The following FRMD5 variants were observed in gnomAD, a reference collection of about 807,000 sequenced individuals.
FRMD5 encodes FERM domain-containing protein 5.
Under a neutral mutation model 69.0 loss-of-function variants are expected in FRMD5, and 20 were observed. The ratio of observed to expected loss-of-function variants is 0.29; its 90% CI spans 0.20 to 0.42. FRMD5 has a LOEUF of 0.42. Among genes scored for constraint, FRMD5 ranks in the 10% least tolerant of loss-of-function variants. The pLI, the probability that FRMD5 is intolerant of heterozygous loss-of-function variation, is 1.00. For synonymous variants in FRMD5, 271 were observed against 260.1 expected (o/e 1.04, Z -0.40); for missense variants, 595 against 708.6 (o/e 0.84, Z 1.82).
chr15:44,056,496 C>G (rs1272404017), intron 1 of FRMD5, among the ~76,000 whole-genome samples: 1 of 152,200 alleles, frequency 6.6e-6, no homozygotes, highest in African/African-American at 2.4e-5. Context: ...AATTATAATT[C>G]TGAAAAGCCT....
chr15:43,933,104 A>G (rs1595532665), intron 1 of FRMD5, among the ~76,000 whole-genome samples: 2 of 152,204 alleles, frequency 1.3e-5, no homozygotes, highest in East Asian at 3.8e-4. Context: ...TGAGAGTCCC[A>G]GGAGAGGAGT....
At chr15:43,980,283 G>C (rs2090528457) in intron 1 of FRMD5, among the ~76,000 whole-genome samples, 1 of 152,134 alleles carries the variant, frequency 6.6e-6, no homozygotes, top group Non-Finnish European at 1.5e-5. Flanking sequence ...TCTAATAGGG[G>C]ACTGTCCCAC....
chr15:43,884,657 C>T (rs1239458847), intron 12 of FRMD5, 70 bp downstream of exon 12: 2 of 1,454,078 alleles, frequency 1.4e-6, no homozygotes, highest in Admixed American at 1.7e-5. Flanking sequence ...CTTCACAGTA[C>T]TCAAACTGCT....
chr15:43,981,354 T>C lies in FRMD5; in HGVS notation c.103-57045A>G, dbSNP rs374362313. Among the ~76,000 whole-genome samples, 44 of 152,294 alleles carry C rather than the reference T, an allele frequency of 2.9e-4. 1 individual carries two copies. Among genetic ancestry groups the C allele is most frequent in the African/African-American group, 1.1e-3 (44 of 41,574 alleles). The stretch of plus-strand genomic sequence containing the variant: ...AGAAAACCACAAGGAAGAGGAAATA[T>C]ATTTACTATTCATTTAGTGTAAATG... On this transcript the variant is annotated intron_variant, in intron 1 of 13. Coordinates refer to ENST00000417257, the MANE Select transcript of FRMD5 (RefSeq NM_032892.5).
chr15:44,069,531 C>G (rs1893445666), intron 1 of FRMD5, among the ~76,000 whole-genome samples: 1 of 151,816 alleles, frequency 6.6e-6, no homozygotes, highest in African/African-American at 2.4e-5. Flanking sequence ...CATTAATCTT[C>G]AGGAAATTAT....
intron 1 of FRMD5, among the ~76,000 whole-genome samples, chr15:43,997,051 C>G (rs1271205829): frequency 6.6e-6 from 1 of 152,080 alleles, no homozygotes; most frequent in Non-Finnish European, 1.5e-5. Context: ...AATATCTGCT[C>G]AGGTATACTC....
At chr15:44,038,715 AG>A (rs1892040968) in intron 1 of FRMD5, among the ~76,000 whole-genome samples, 1 of 151,878 alleles carries the variant, frequency 6.6e-6, no homozygotes, top group African/African-American at 2.4e-5. Context: ...GAGCTGAAGC[AG>A]GGTGGGGCAT....
intron 1 of FRMD5, among the ~76,000 whole-genome samples, chr15:43,976,427 C>G (rs2090463334): frequency 6.6e-6 from 1 of 152,102 alleles, no homozygotes; most frequent in South Asian, 2.1e-4. Context: ...AAAGAACCCT[C>G]AACATTCCAT....
intron 1 of FRMD5, among the ~76,000 whole-genome samples, chr15:44,067,859 T>C (rs571052957): frequency 3.9e-5 from 6 of 152,256 alleles, no homozygotes; most frequent in South Asian, 2.1e-4. Flanking sequence ...GCACCCAGAA[T>C]ATACAAAGAA....
chr15:43,883,926 C>A, intron 12 of FRMD5, 117 bp from the exon 13 acceptor site: 1 of 742,260 alleles, frequency 1.3e-6, no homozygotes, highest in Non-Finnish European at 2.4e-6. Context: ...TGGTCTCTCT[C>A]TTTTTTAAAA....
chr15:44,001,684 G>A (rs938439597), intron 1 of FRMD5, among the ~76,000 whole-genome samples: 1 of 150,986 alleles, frequency 6.6e-6, no homozygotes, highest in Non-Finnish European at 1.5e-5. Flanking sequence ...ACAGCTCACT[G>A]CAGCCTCCGC....
At chr15:44,038,373 T>C (rs1892018677) in intron 1 of FRMD5, among the ~76,000 whole-genome samples, 1 of 152,134 alleles carries the variant, frequency 6.6e-6, no homozygotes, top group African/African-American at 2.4e-5. Context: ...CCCATGCTTA[T>C]GTCCTGAATG....
chr15:44,027,554 C>A (rs1891481968), intron 1 of FRMD5, among the ~76,000 whole-genome samples: 2 of 151,858 alleles, frequency 1.3e-5, no homozygotes, highest in African/African-American at 2.4e-5. Context: ...CTTGCAGAAG[C>A]AACAGCCCTG....
At chr15:43,990,876 T>C (rs967878585) in intron 1 of FRMD5, among the ~76,000 whole-genome samples, 15 of 152,216 alleles carry the variant, frequency 9.9e-5, no homozygotes, top group African/African-American at 3.6e-4. Context: ...ACATAAGGGA[T>C]ACCGACTAGT....
chr15:43,947,160 A>T (rs1473736675), intron 1 of FRMD5, among the ~76,000 whole-genome samples: 1 of 152,224 alleles, frequency 6.6e-6, no homozygotes, highest in Non-Finnish European at 1.5e-5. Context: ...AATATCCTTT[A>T]AAATCTAAAT....
chr15:44,144,610 T>C (rs1306008118), intron 1 of FRMD5, among the ~76,000 whole-genome samples: 9 of 152,246 alleles, frequency 5.9e-5, no homozygotes, highest in African/African-American at 2.2e-4. Flanking sequence ...CTAAGTGGTT[T>C]CTGTGAACTA....
intron 1 of FRMD5, among the ~76,000 whole-genome samples, chr15:43,979,739 TC>T (rs1265174184): frequency 6.6e-6 from 1 of 152,220 alleles, no homozygotes; most frequent in African/African-American, 2.4e-5. Context: ...ATTTTCTGTT[TC>T]ATAAAGAATT....
At chr15:43,895,176 AT>A (rs1221991295) in intron 7 of FRMD5, among the ~76,000 whole-genome samples, 1 of 152,174 alleles carries the variant, frequency 6.6e-6, no homozygotes, top group Non-Finnish European at 1.5e-5. Flanking sequence ...ACATTTTACT[AT>A]TTTTCCTGAT....
At chr15:44,101,487 G>A (rs1236681177) in intron 1 of FRMD5, 1 of 152,544 alleles carries the variant, frequency 6.6e-6, no homozygotes, top group Non-Finnish European at 1.5e-5. Context: ...AATTCCCTTG[G>A]GTGCCTCTGG....
Sources: gnomAD v4.1 joint callset for allele counts (sites outside exome capture counted in the v4.1 genomes callset) on GRCh38, gnomAD v4.1.1 for gene constraint, MANE v1.5 for transcripts, NCBI Gene and HGNC (gene_info 2026-07-23, HGNC 2026-07-21) for gene names.